Variants in LRMDA observed in about 807,000 individuals in gnomAD.
LRMDA encodes the protein leucine rich melanocyte differentiation associated, also known as leucine-rich melanocyte differentiation-associated protein.
LRMDA carries 18 observed loss-of-function variants against 29.8 expected under a neutral mutation model. The observed-to-expected ratio is 0.60, with a 90% confidence interval of 0.42 to 0.90. The LOEUF (loss-of-function observed/expected upper bound fraction) is 0.90. LRMDA is among the 40% of genes least tolerant of loss of function. LRMDA has a pLI of 0.00. For missense variants in LRMDA, 273 were observed against 273.9 expected (o/e 1.00, Z 0.02); for synonymous variants, 125 against 109.4 (o/e 1.14, Z -0.89).
chr10:75,475,266 C>A (rs1439739663), intron 2 of LRMDA, among the ~76,000 whole-genome samples: 1 of 152,138 alleles, frequency 6.6e-6, no homozygotes, highest in African/African-American at 2.4e-5. Context: ...GGGAGATGGT[C>A]CTCCTGTGAG....
At position 76,093,346 on chromosome 10, in the gene LRMDA, C is replaced by CA. The variant is rs76474770; in HGVS notation, c.516+34577dup. Among the ~76,000 whole-genome samples the CA allele has an allele frequency of 9.3e-3, 1,207 of 129,294 alleles. 5 individuals are homozygous for CA. Among genetic ancestry groups the CA allele is most frequent in the Middle Eastern group, 0.016 (4 of 250 alleles). The allele number at this position is 129,294 out of a possible 152,430, so 84.8% of individuals were successfully genotyped here. ...AGCCAAATTGGAGAGTTATTATAGACAAAAAAAAAAAAAAGAAAGGATCTT... is the reference window on the plus strand; with the variant it reads ...AGCCAAATTGGAGAGTTATTATAGACAAAAAAAAAAAAAAAGAAAGGATCTT... On this transcript the variant is annotated intron_variant, in intron 5 of 6. Transcript: ENST00000611255.
chr10:76,519,016 C>A (rs1843092364), intron 6 of LRMDA, among the ~76,000 whole-genome samples: 1 of 151,948 alleles, frequency 6.6e-6, no homozygotes, highest in Non-Finnish European at 1.5e-5. Context: ...ACTAGAAAAA[C>A]CCCATCTGTT....
At position 76,376,855 on chromosome 10, in the gene LRMDA, A is replaced by C. The variant is rs1589156993; in HGVS notation, c.601+52370A>C. The stretch of plus-strand genomic sequence containing the variant: ...GCATTTTTTCAAATGTTTGTTGGGC[A>C]CTTGGAAGTCTTTTTTTTTTTTTTT... On this transcript the variant is annotated intron_variant, in intron 6 of 6. Coordinates refer to ENST00000611255, the MANE Select transcript of LRMDA (RefSeq NM_001305581.2). Among the ~76,000 whole-genome samples the C allele has an allele frequency of 1.0e-4, 7 of 70,192 alleles. 3 individuals are homozygous for C. Among genetic ancestry groups the C allele is most frequent in the African/African-American group, 2.1e-4 (4 of 19,448 alleles). The allele number at this position is 70,192 out of a possible 152,430, so 46.0% of individuals were successfully genotyped here.
intron 2 of LRMDA, among the ~76,000 whole-genome samples, chr10:75,894,972 C>T (rs112383342): frequency 2.6e-5 from 4 of 152,238 alleles, no homozygotes; most frequent in African/African-American, 9.6e-5. Flanking sequence ...AAGTAAATTA[C>T]CCCAAATCAT....
intron 2 of LRMDA, among the ~76,000 whole-genome samples, chr10:75,791,713 C>T (rs1843568005): frequency 6.6e-6 from 1 of 152,200 alleles, no homozygotes; most frequent in Non-Finnish European, 1.5e-5. Flanking sequence ...TCCGGCCTCT[C>T]CATTACCAGG....
At chr10:75,941,179 A>G (rs1042213767) in intron 2 of LRMDA, among the ~76,000 whole-genome samples, 13 of 152,148 alleles carry the variant, frequency 8.5e-5, no homozygotes, top group African/African-American at 3.1e-4. Context: ...TTCACGCTGT[A>G]TTGGAAATGC....
intron 5 of LRMDA, among the ~76,000 whole-genome samples, chr10:76,197,209 A>C (rs1277515469): frequency 1.3e-5 from 2 of 152,068 alleles, no homozygotes; most frequent in Non-Finnish European, 2.9e-5. Context: ...CAGTGGTTTA[A>C]AAAAATTATT....
chr10:76,077,975 C>A (rs957283142), intron 5 of LRMDA, among the ~76,000 whole-genome samples: 8 of 146,772 alleles, frequency 5.5e-5, no homozygotes, highest in African/African-American at 2.0e-4. Context: ...ATTCCTACCC[C>A]TAACTGCAAT....
intron 5 of LRMDA, among the ~76,000 whole-genome samples, chr10:76,290,699 G>A (rs1840329859): frequency 6.6e-6 from 1 of 152,172 alleles, no homozygotes; most frequent in Non-Finnish European, 1.5e-5. Context: ...TGGGATTACA[G>A]GCCTGAGCCA....
intron 2 of LRMDA, among the ~76,000 whole-genome samples, chr10:75,681,542 T>C (rs925412015): frequency 2.0e-5 from 3 of 152,176 alleles, no homozygotes; most frequent in Admixed American, 2.0e-4. Context: ...CCATGTGTGT[T>C]TGTTCTGGGG....
chr10:76,314,540 A>G (rs1054101390), intron 5 of LRMDA, among the ~76,000 whole-genome samples: 2 of 152,236 alleles, frequency 1.3e-5, no homozygotes, highest in African/African-American at 2.4e-5. Flanking sequence ...CCATCACTGA[A>G]GAGTTGGAAA....
intron 2 of LRMDA, among the ~76,000 whole-genome samples, chr10:75,441,301 C>T (rs1270848453): frequency 6.6e-6 from 1 of 152,318 alleles, no homozygotes. Flanking sequence ...AGTCAGGCTG[C>T]CCTGCACCCG....
At chr10:76,005,823 G>A (rs1847642219) in intron 2 of LRMDA, among the ~76,000 whole-genome samples, 1 of 151,768 alleles carries the variant, frequency 6.6e-6, no homozygotes, top group Non-Finnish European at 1.5e-5. Flanking sequence ...CCAGCTACTT[G>A]GGAGACTGAG....
chr10:76,256,157 T>C (rs1030670950), intron 5 of LRMDA, among the ~76,000 whole-genome samples: 1 of 152,236 alleles, frequency 6.6e-6, no homozygotes, highest in African/African-American at 2.4e-5. Context: ...ATAATAATTT[T>C]CTGGAATTAG....
At chr10:76,467,131 A>C (rs887976612) in intron 6 of LRMDA, among the ~76,000 whole-genome samples, 2 of 152,210 alleles carry the variant, frequency 1.3e-5, no homozygotes, top group African/African-American at 4.8e-5. Flanking sequence ...CTAAATCAAA[A>C]AGTATGAGGA....
At chr10:75,589,335 C>T (rs966419551) in intron 2 of LRMDA, among the ~76,000 whole-genome samples, 2 of 152,146 alleles carry the variant, frequency 1.3e-5, no homozygotes, top group African/African-American at 4.8e-5. Context: ...GTTTAATTTG[C>T]ATTTCTCTTA....
chr10:75,855,064 A>G (rs1844801323), intron 2 of LRMDA, among the ~76,000 whole-genome samples: 1 of 152,184 alleles, frequency 6.6e-6, no homozygotes, highest in Non-Finnish European at 1.5e-5. Context: ...ATGATTTCTA[A>G]TCCTTTGGGT....
At chr10:75,854,384 T>C (rs1200994216) in intron 2 of LRMDA, among the ~76,000 whole-genome samples, 2 of 152,076 alleles carry the variant, frequency 1.3e-5, no homozygotes, top group African/African-American at 4.8e-5. Context: ...ATTTTTCTAG[T>C]ATGATTATTA....
intron 4 of LRMDA, among the ~76,000 whole-genome samples, chr10:76,054,176 A>G (rs979138999): frequency 5.9e-5 from 9 of 152,304 alleles, no homozygotes; most frequent in Non-Finnish European, 1.2e-4. Flanking sequence ...AGACATCTCT[A>G]TGGAGGAACT....
Sources: gnomAD v4.1 joint callset for allele counts (sites outside exome capture counted in the v4.1 genomes callset) on GRCh38, gnomAD v4.1.1 for gene constraint, MANE v1.5 for transcripts, NCBI Gene and HGNC (gene_info 2026-07-23, HGNC 2026-07-21) for gene names.